Variants in ARHGAP6 observed in about 807,000 individuals in gnomAD.
ARHGAP6 encodes Rho GTPase activating protein 6, also known as rho GTPase-activating protein 6.
In ARHGAP6, 16 loss-of-function variants were observed where a neutral mutation model predicts 55.7. That is an observed-to-expected ratio of 0.29 (90% CI 0.19 to 0.44). The LOEUF is 0.44. Ranked by LOEUF, ARHGAP6 falls within the 20% of genes least tolerant of loss-of-function variation. The pLI is 1.00. For missense variants in ARHGAP6, 698 were observed against 808.9 expected, an observed-to-expected ratio of 0.86 and a Z score of 1.66; for synonymous variants, 382 against 360.9, an observed-to-expected ratio of 1.06 and a Z score of -0.66.
At chrX:11,185,315 G>C in intron 5 of ARHGAP6, among the ~76,000 whole-genome samples, 1 of 111,601 alleles carries the variant, frequency 9.0e-6, no homozygotes, top group Non-Finnish European at 1.9e-5. Context: ...TGCTACATTA[G>C]TTTTATTAGG....
At chrX:11,335,357 G>A (rs760784810) in intron 1 of ARHGAP6, 7 of 121,449 alleles carry the variant, frequency 5.8e-5, no homozygotes, top group African/African-American at 2.3e-4. Flanking sequence ...TTCTCCTAAT[G>A]TTTTCTCTCC....
At chrX:11,380,754 G>C (rs2049253387) in intron 1 of ARHGAP6, among the ~76,000 whole-genome samples, 1 of 112,136 alleles carries the variant, frequency 8.9e-6, no homozygotes, top group Non-Finnish European at 1.9e-5. Flanking sequence ...TCTGGACCAA[G>C]TAATTCTCTG....
rs543720462 is a variant in ARHGAP6 at position 11,493,145 on chromosome X, T to A, written c.588+171096A>T. On this transcript the variant is annotated intron_variant, in intron 1 of 12. Coordinates refer to ENST00000337414, the MANE Select transcript of ARHGAP6 (RefSeq NM_013427.3). ...ATCACGGAGGCCTTTTATAGCAGCT[T>A]AAGCAATCCTAACTTATATGCACAT... 3.6e-5 allele frequency among the ~76,000 whole-genome samples: 4 copies of A among 112,310 alleles called. No individual in the cohort carries two copies. The South Asian group carries it at 1.5e-3, about 42-fold the overall frequency.
chrX:11,258,426 T>G (rs1430159018), intron 1 of ARHGAP6, among the ~76,000 whole-genome samples: 1 of 110,084 alleles, frequency 9.1e-6, no homozygotes, highest in Non-Finnish European at 1.9e-5. Context: ...GGAATTATGT[T>G]TGCAGGGGGA....
At chrX:11,588,716 T>A (rs2051766313) in intron 1 of ARHGAP6, among the ~76,000 whole-genome samples, 1 of 111,927 alleles carries the variant, frequency 8.9e-6, no homozygotes, top group Non-Finnish European at 1.9e-5. Flanking sequence ...CCAGAACAGA[T>A]CAATCCATAG....
intron 1 of ARHGAP6, among the ~76,000 whole-genome samples, chrX:11,520,131 TTATATATATA>T (rs1160731443): frequency 0.015 from 282 of 18,258 alleles, 10 homozygotes; most frequent in East Asian, 0.052. Flanking sequence ...AGAATTGATT[TTATATATATA>T]TATATATATA....
rs1019508295 is a variant in ARHGAP6, at chrX:11,138,277, A to G, written c.*586T>C. 8.9e-6 allele frequency: 1 copy of G among 112,316 alleles called. No individual in the cohort carries two copies. Among genetic ancestry groups the G allele is most frequent in the African/African-American group, 3.2e-5 (1 of 30,781 alleles). 9.3% of individuals were successfully genotyped at this position (112,316 alleles called of 1,213,427 possible). ...TTTTGTATCTGACTCCTATGTAAAA[A>G]TATGGCTTCTCATATTCTGCTTCCT... On this transcript the variant is annotated 3_prime_UTR_variant, in exon 13 of 13. Coordinates refer to ENST00000337414, the MANE Select transcript of ARHGAP6 (RefSeq NM_013427.3).
At chrX:11,560,547 C>G (rs967288291) in intron 1 of ARHGAP6, among the ~76,000 whole-genome samples, 2 of 112,115 alleles carry the variant, frequency 1.8e-5, no homozygotes, top group Non-Finnish European at 3.8e-5. Flanking sequence ...AACCAAACGG[C>G]TTTAATAACC....
intron 1 of ARHGAP6, among the ~76,000 whole-genome samples, chrX:11,515,848 G>C (rs1229685566): frequency 3.6e-5 from 4 of 112,448 alleles, no homozygotes; most frequent in African/African-American, 1.3e-4. Flanking sequence ...AATGTTATTG[G>C]TATTTCTAAA....
intron 1 of ARHGAP6, among the ~76,000 whole-genome samples, chrX:11,385,874 A>G (rs1304500884): frequency 8.9e-6 from 1 of 112,515 alleles, no homozygotes; most frequent in East Asian, 2.8e-4. Flanking sequence ...AAGGCTTAAA[A>G]AAGGTGTTTT....
intron 2 of ARHGAP6, among the ~76,000 whole-genome samples, chrX:11,230,453 C>A (rs1316000166): frequency 9.0e-6 from 1 of 111,411 alleles, no homozygotes; most frequent in East Asian, 2.8e-4. Context: ...GCCTTGGCGT[C>A]CCAAAGTGCT....
intron 1 of ARHGAP6, among the ~76,000 whole-genome samples, chrX:11,588,098 T>C (rs2147125998): frequency 8.9e-6 from 1 of 112,459 alleles, no homozygotes; most frequent in East Asian, 2.8e-4. Context: ...TGTTCAGAAT[T>C]TGAGGCAGAC....
At chrX:11,162,678 T>C (rs1257728872) in intron 9 of ARHGAP6, among the ~76,000 whole-genome samples, 1 of 106,639 alleles carries the variant, frequency 9.4e-6, no homozygotes, top group Admixed American at 1.0e-4. Context: ...ATGTGTTACG[T>C]TGCCCTTGTC....
intron 1 of ARHGAP6, among the ~76,000 whole-genome samples, chrX:11,486,665 G>C (rs1261307024): frequency 8.9e-6 from 1 of 111,770 alleles, no homozygotes; most frequent in African/African-American, 3.3e-5. Context: ...ACTCAGCACA[G>C]TGTATCAAGT....
intron 1 of ARHGAP6, among the ~76,000 whole-genome samples, chrX:11,358,039 C>T (rs1271613305): frequency 9.0e-6 from 1 of 111,626 alleles, no homozygotes; most frequent in African/African-American, 3.3e-5. Context: ...ACAGTTACTC[C>T]TCACATCCCT....
chrX:11,270,967 A>C (rs2147514740), intron 1 of ARHGAP6, among the ~76,000 whole-genome samples: 1 of 111,910 alleles, frequency 8.9e-6, no homozygotes, highest in East Asian at 2.8e-4. Flanking sequence ...AAATCTGTAT[A>C]TCGCTGGTTC....
At chrX:11,552,601 G>C (rs530589841) in intron 1 of ARHGAP6, among the ~76,000 whole-genome samples, 1,139 of 35,657 alleles carry the variant, frequency 0.032, 20 homozygotes, top group Middle Eastern at 0.043. Context: ...TATATATATA[G>C]ACACACACAC....
intron 9 of ARHGAP6, among the ~76,000 whole-genome samples, chrX:11,157,452 T>C (rs903952851): frequency 8.9e-6 from 1 of 112,106 alleles, no homozygotes; most frequent in Middle Eastern, 4.6e-3. Context: ...ATGAGCATCA[T>C]ATATTTCTCT....
chrX:11,150,768 G>T (rs2045764389), intron 10 of ARHGAP6, among the ~76,000 whole-genome samples: 1 of 111,850 alleles, frequency 8.9e-6, no homozygotes, highest in Non-Finnish European at 1.9e-5. Flanking sequence ...CAGCCTGGGT[G>T]ACAGAGCGAG....
Sources: allele counts gnomAD v4.1 joint callset (sites outside exome capture counted in the v4.1 genomes callset), GRCh38; gene constraint gnomAD v4.1.1; transcripts MANE v1.5; gene names NCBI Gene and HGNC (gene_info 2026-07-23, HGNC 2026-07-21).